FHIT: variants seen among roughly 807,000 people sequenced by gnomAD.
The protein encoded by FHIT is fragile histidine triad diadenosine triphosphatase, also known as bis(5'-adenosyl)-triphosphatase.
FHIT carries 19 observed loss-of-function variants against 17.9 expected under a neutral mutation model. The observed-to-expected ratio is 1.06, with a 90% CI of 0.74 to 1.56. The LOEUF (loss-of-function observed/expected upper bound fraction) is 1.56, where lower values mean the gene tolerates loss of function less well. Among genes scored for constraint, FHIT ranks in the 40% most tolerant of loss-of-function variants. FHIT has a pLI of 0.00. For missense variants in FHIT, 248 were observed against 189.2 expected, an observed-to-expected ratio of 1.31 and a Z score of -1.82; for synonymous variants, 81 against 69.7, an observed-to-expected ratio of 1.16 and a Z score of -0.81.
In FHIT at chr3:60,687,454, T is replaced by C. The variant is rs2040884397; in HGVS notation, c.-18+134465A>G. Among the ~76,000 whole-genome samples, 3 of 152,144 alleles carry C rather than the reference T, an allele frequency of 2.0e-5. No individual in the cohort carries two copies. In the South Asian group the frequency reaches 6.2e-4, roughly 31 times the overall value. On this transcript the variant is annotated intron_variant, in intron 4 of 9. Coordinates refer to ENST00000492590, the MANE Select transcript of FHIT (RefSeq NM_002012.4). ...TTGGTTTTTGTTATCATTATTTCTC[T>C]TTTCCAAGCTACTGATTTTTGCATT...
At chr3:60,369,601 A>G (rs1212876503) in intron 5 of FHIT, among the ~76,000 whole-genome samples, 4 of 152,170 alleles carry the variant, frequency 2.6e-5, no homozygotes, top group Non-Finnish European at 4.4e-5. Flanking sequence ...GCTTGCTTTT[A>G]TACTCTGTTA....
At chr3:60,168,163 C>T (rs937105474) in intron 5 of FHIT, among the ~76,000 whole-genome samples, 3 of 152,164 alleles carry the variant, frequency 2.0e-5, no homozygotes, top group Non-Finnish European at 2.9e-5. Flanking sequence ...AGTACACAGA[C>T]GGAGGCCTGG....
rs369176585 is a variant in FHIT, at chr3:60,785,078, T to C, written c.-18+36841A>G. The stretch of plus-strand genomic sequence containing the variant: ...TACCAGCCCCTGTCCACCAGAAAGA[T>C]GGGGATCTGAACAGAAGCCAGAGGT... On this transcript the variant is annotated intron_variant, in intron 4 of 9. Coordinates refer to ENST00000492590, the MANE Select transcript of FHIT (RefSeq NM_002012.4). 9.9e-5 allele frequency among the ~76,000 whole-genome samples: 15 copies of C among 152,170 alleles called. 2 individuals are homozygous for C. In the South Asian group the frequency reaches 2.5e-3, roughly 25 times the overall value.
chr3:59,760,872 G>C (rs1360667429), intron 8 of FHIT, among the ~76,000 whole-genome samples: 2 of 151,644 alleles, frequency 1.3e-5, no homozygotes, highest in African/African-American at 2.4e-5. Context: ...TCTGTCTGGA[G>C]TGTAGTGGCC....
At chr3:61,202,396 C>T (rs539039827) in intron 1 of FHIT, among the ~76,000 whole-genome samples, 7 of 152,004 alleles carry the variant, frequency 4.6e-5, no homozygotes, top group South Asian at 2.1e-4. Flanking sequence ...AAGTGAGGAG[C>T]GCCTCTGCCC....
At chr3:60,447,886 G>A (rs989315778) in intron 5 of FHIT, among the ~76,000 whole-genome samples, 2 of 152,126 alleles carry the variant, frequency 1.3e-5, no homozygotes, top group African/African-American at 2.4e-5. Context: ...CAAATTATTC[G>A]ATTACCATGT....
intron 8 of FHIT, among the ~76,000 whole-genome samples, chr3:59,773,707 G>A (rs1371708770): frequency 6.6e-6 from 1 of 151,976 alleles, no homozygotes; most frequent in African/African-American, 2.4e-5. Flanking sequence ...TGATGTCCCG[G>A]GTGTGGACTG....
intron 8 of FHIT, among the ~76,000 whole-genome samples, chr3:59,802,642 T>C (rs1012085750): frequency 6.6e-6 from 1 of 152,100 alleles, no homozygotes; most frequent in Non-Finnish European, 1.5e-5. Context: ...CTTGACTCTC[T>C]TTTTGGACTC....
At chr3:60,654,080 C>G (rs2682952) in intron 4 of FHIT, among the ~76,000 whole-genome samples, 118,777 of 151,872 alleles carry the variant, frequency 0.78, 46,657 homozygotes, top group East Asian at 0.88. Context: ...CACTCTCTCT[C>G]CCTCTTGCTC....
intron 5 of FHIT, among the ~76,000 whole-genome samples, chr3:60,179,416 A>G (rs1184125161): frequency 6.6e-6 from 1 of 152,226 alleles, no homozygotes; most frequent in East Asian, 1.9e-4. Flanking sequence ...GTGACATCAC[A>G]ATATTGTTAA....
chr3:61,107,865 C>T (rs1488972694), intron 2 of FHIT, among the ~76,000 whole-genome samples: 2 of 152,310 alleles, frequency 1.3e-5, no homozygotes, highest in African/African-American at 4.8e-5. Context: ...CAGCTGGGCG[C>T]TTGCCTTATT....
chr3:61,062,611 T>C (rs1279136716), intron 2 of FHIT, among the ~76,000 whole-genome samples: 1 of 152,214 alleles, frequency 6.6e-6, no homozygotes, highest in Non-Finnish European at 1.5e-5. Context: ...TGGTTTCCCA[T>C]GTCCCCAGGC....
intron 7 of FHIT, among the ~76,000 whole-genome samples, chr3:59,998,021 A>G (rs924056851): frequency 3.3e-5 from 5 of 152,190 alleles, no homozygotes; most frequent in African/African-American, 1.2e-4. Flanking sequence ...GCAGTAATTT[A>G]TCATTTCTCA....
chr3:59,983,021 C>A (rs1159309458), intron 7 of FHIT, among the ~76,000 whole-genome samples: 1 of 152,006 alleles, frequency 6.6e-6, no homozygotes, highest in Non-Finnish European at 1.5e-5. Flanking sequence ...TCACTGCAAC[C>A]CCCACCTCCC....
At chr3:61,080,995 G>T (rs2035119863) in intron 2 of FHIT, among the ~76,000 whole-genome samples, 1 of 152,154 alleles carries the variant, frequency 6.6e-6, no homozygotes, top group African/African-American at 2.4e-5. Flanking sequence ...CAGCTCACAA[G>T]CCTGCTTCTT....
At chr3:61,214,002 A>G (rs1342062227) in intron 1 of FHIT, among the ~76,000 whole-genome samples, 1 of 152,210 alleles carries the variant, frequency 6.6e-6, no homozygotes, top group Non-Finnish European at 1.5e-5. Flanking sequence ...GACCCATTCA[A>G]AGCAGTGTAT....
intron 5 of FHIT, among the ~76,000 whole-genome samples, chr3:60,376,967 T>C (rs1205206143): frequency 6.6e-6 from 1 of 152,206 alleles, no homozygotes; most frequent in East Asian, 1.9e-4. Context: ...GGCTGATTTG[T>C]TCATCCATCC....
chr3:60,232,754 G>T (rs940307352), intron 5 of FHIT, among the ~76,000 whole-genome samples: 5 of 152,138 alleles, frequency 3.3e-5, no homozygotes, highest in Admixed American at 6.5e-5. Context: ...CACAGACAAG[G>T]AGACCTGAGT....
chr3:60,297,026 A>C (rs902314980), intron 5 of FHIT, among the ~76,000 whole-genome samples: 2 of 151,922 alleles, frequency 1.3e-5, no homozygotes, highest in East Asian at 3.9e-4. Flanking sequence ...TCAATGACAC[A>C]TGGTCATATA....
Sources: gnomAD v4.1 joint callset for allele counts (sites outside exome capture counted in the v4.1 genomes callset) on GRCh38, gnomAD v4.1.1 for gene constraint, MANE v1.5 for transcripts, NCBI Gene and HGNC (gene_info 2026-07-23, HGNC 2026-07-21) for gene names.